DHCR24: variants seen among roughly 807,000 people sequenced by gnomAD.
DHCR24 encodes the protein delta(24)-sterol reductase.
DHCR24 carries 28 observed loss-of-function variants against 61.2 expected under a neutral mutation model. The ratio of observed to expected loss-of-function variants is 0.46; its 90% CI spans 0.34 to 0.63. The LOEUF (loss-of-function observed/expected upper bound fraction) is 0.63, where lower values mean the gene tolerates loss of function less well. Among genes scored for constraint, DHCR24 ranks in the 20% least tolerant of loss-of-function variants. The pLI, the probability that DHCR24 is intolerant of heterozygous loss-of-function variation, is 0.01. For synonymous variants in DHCR24, 261 were observed against 275.9 expected (o/e 0.95, Z 0.54); for missense variants, 538 against 679.1 (o/e 0.79, Z 2.31).
intron 2 of DHCR24, among the ~76,000 whole-genome samples, chr1:54,881,947 G>A (rs933713838): frequency 1.3e-5 from 2 of 152,022 alleles, no homozygotes; most frequent in Non-Finnish European, 2.9e-5. Context: ...CACATACAGG[G>A]GAACAACAGA....
intron 6 of DHCR24, among the ~76,000 whole-genome samples, chr1:54,863,646 A>C (rs1263754396): frequency 6.6e-6 from 1 of 152,252 alleles, no homozygotes; most frequent in Non-Finnish European, 1.5e-5. Flanking sequence ...TGGACTTGAC[A>C]ATAAATTCTT....
At chr1:54,865,676 A>G (rs1483829565) in intron 5 of DHCR24, among the ~76,000 whole-genome samples, 1 of 152,138 alleles carries the variant, frequency 6.6e-6, no homozygotes, top group African/African-American at 2.4e-5. Context: ...CCAGGGCCAA[A>G]CAGTGAGTCC....
chr1:54,879,322 G>GAAAAAAAAAAAAAAA (rs58945175), intron 2 of DHCR24, among the ~76,000 whole-genome samples: 3 of 108,536 alleles, frequency 2.8e-5, no homozygotes, highest in Non-Finnish European at 5.3e-5. Flanking sequence ...GACTCCATCT[G>GAAAAAAAAAAAAAAA]AAAAAAAAAA....
chr1:54,867,931 A>G (rs532603244), intron 5 of DHCR24, among the ~76,000 whole-genome samples: 3 of 152,340 alleles, frequency 2.0e-5, no homozygotes, highest in Non-Finnish European at 4.4e-5. Context: ...CTGCAGGCTG[A>G]TATGTCAGGG....
Position 54,853,595 on chromosome 1 carries a change from C to T in DHCR24, c.1236G>A (p.Leu412=). 6.2e-7 allele frequency: 1 copy of T among 1,613,912 alleles called. No individual in the cohort carries two copies. The highest frequency in any genetic ancestry group is 8.5e-7 in the Non-Finnish European group (1 of 1,179,944). ...QNDIHVYPIW[L]CPFILPSQPG... ...GCTGGCTGGGCAGGATGAACGGACA[C>T]AGCCAGATGGGGTAGACCTGGGTAG... The change falls in exon 8 of 9, where the codon CTG becomes CTA. Residue 412 remains leucine (L), a synonymous_variant. Transcript: ENST00000371269.
chr1:54,871,415 G>T lies in DHCR24; in HGVS notation c.811C>A (p.Leu271Ile), dbSNP rs886042137. The change falls in exon 5 of 9, where the codon CTC (leucine) becomes ATC (isoleucine). Residue 271 changes from leucine (L) to isoleucine (I), a missense_variant. By Grantham distance (5) the Leu-to-Ile change is conservative (BLOSUM62 2). Transcript: ENST00000371269. ...ATGACAGCCTCATCCAGGGAGTAGA[G>T]CAGCCCTTCCACGAAGTGGTTCTCC... The part of the protein sequence containing the change: ...RQENHFVEGL[L>I]YSLDEAVIMT... 5.0e-6 allele frequency: 8 copies of T among 1,614,192 alleles called. No homozygotes were observed. Among genetic ancestry groups the T allele is most frequent in the Middle Eastern group, 1.6e-4 (1 of 6,062 alleles).
intron 4 of DHCR24, 105 bp from the exon 5 acceptor site, chr1:54,871,718 C>G: frequency 2.0e-6 from 3 of 1,487,762 alleles, no homozygotes; most frequent in Non-Finnish European, 2.8e-6. Context: ...TTCTCTCACT[C>G]TCTTGTATAA....
In DHCR24 at chr1:54,851,390, A is replaced by T. The variant is rs764347154; in HGVS notation, c.*843T>A. 6.6e-6 allele frequency: 1 copy of T among 152,632 alleles called. No individual in the cohort carries two copies. The highest frequency in any genetic ancestry group is 1.5e-5 in the Non-Finnish European group (1 of 68,188). 9.5% of individuals were successfully genotyped at this position (152,632 alleles called of 1,614,324 possible). A position where few individuals can be genotyped will look rare whatever the true frequency, so the allele number is the denominator to read the frequency against. On this transcript the variant is annotated 3_prime_UTR_variant, in exon 9 of 9. Transcript: ENST00000371269. ...GGCCTGCAGGGTTGGTGAGCCAAGA[A>T]GAATGAGCCCAGGTCCCCTGGATCC...
intron 7 of DHCR24, 106 bp downstream of exon 7, chr1:54,853,931 C>T: frequency 1.7e-6 from 2 of 1,186,064 alleles, no homozygotes; most frequent in Non-Finnish European, 1.2e-6. Context: ...GTTGGGAAAA[C>T]ACCCAGAGGG....
intron 6 of DHCR24, among the ~76,000 whole-genome samples, chr1:54,855,833 GCCCA>G (rs1227727756): frequency 5.3e-5 from 8 of 152,084 alleles, no homozygotes; most frequent in Admixed American, 3.3e-4. Flanking sequence ...ACCTACACAT[GCCCA>G]CAGCAGAAAT....
chr1:54,878,151 G>C (rs1246437826), intron 2 of DHCR24, among the ~76,000 whole-genome samples: 3 of 151,632 alleles, frequency 2.0e-5, no homozygotes, highest in Non-Finnish European at 4.4e-5. Flanking sequence ...AGTACTAATC[G>C]GTAAATACAC....
chr1:54,871,618 G>A lies in DHCR24; in HGVS notation c.613-5C>T. On this transcript the variant is annotated splice_region_variant and splice_polypyrimidine_tract_variant and intron_variant, in intron 4 of 8. Coordinates refer to ENST00000371269, the MANE Select transcript of DHCR24 (RefSeq NM_014762.4). The stretch of plus-strand genomic sequence containing the variant: ...GAACAGGTCTGAGTTTTCGGACTGT[G>A]AGACAGAATTGATGTGTTGTGAGCT... 1.9e-6 allele frequency: 3 copies of A among 1,614,178 alleles called. No homozygotes were observed. The highest frequency in any genetic ancestry group is 8.5e-7 in the Non-Finnish European group (1 of 1,180,026).
intron 5 of DHCR24, among the ~76,000 whole-genome samples, chr1:54,866,855 T>C (rs936785030): frequency 6.6e-6 from 1 of 152,162 alleles, no homozygotes; most frequent in African/African-American, 2.4e-5. Flanking sequence ...GTGGATGGTA[T>C]GGGGCAGCGC....
chr1:54,852,549 C>T (rs1646881841), intron 8 of DHCR24, among the ~76,000 whole-genome samples, 163 bp from the exon 9 acceptor site: 1 of 152,128 alleles, frequency 6.6e-6, no homozygotes, highest in Non-Finnish European at 1.5e-5. Flanking sequence ...TATTCTTATC[C>T]CCCTTTTGCA....
chr1:54,878,096 G>GA (rs1647044224), intron 2 of DHCR24, among the ~76,000 whole-genome samples: 1 of 151,882 alleles, frequency 6.6e-6, no homozygotes, highest in South Asian at 2.1e-4. Context: ...GTTGCACAGA[G>GA]AAAAAACTGA....
Position 54,872,952 on chromosome 1 carries a change from G to A in DHCR24, c.613-1339C>T, listed in dbSNP as rs888192024. On this transcript the variant is annotated intron_variant, in intron 4 of 8. Transcript: ENST00000371269. Reference sequence around the variant, plus strand: ...GCTCCCTGAAATACCCACTTCAACAGGACCAACTGTCCCTCCCATCCCAGG... The same window carrying A: ...GCTCCCTGAAATACCCACTTCAACAAGACCAACTGTCCCTCCCATCCCAGG... 2.0e-5 allele frequency among the ~76,000 whole-genome samples: 3 copies of A among 152,122 alleles called. No individual in the cohort carries two copies. The East Asian group carries it at 5.8e-4, about 29-fold the overall frequency.
rs1647055191 is a variant in DHCR24 at position 54,879,757 on chromosome 1, AATCC to A, written c.388-3714_388-3711del. Among the ~76,000 whole-genome samples, 8 of 152,206 alleles carry A rather than the reference AATCC, an allele frequency of 5.3e-5. No individual in the cohort carries two copies. In the South Asian group the frequency reaches 1.7e-3, roughly 31 times the overall value. The stretch of plus-strand genomic sequence containing the variant: ...ATAAAAAATCAACATACTTCTAAAT[AATCC>A]ATGGGTCAAAGCAGACATCAAAAGG... On this transcript the variant is annotated intron_variant, in intron 2 of 8. Transcript: ENST00000371269.
In DHCR24 at chr1:54,881,345, C is replaced by T. The variant is rs1451946611; in HGVS notation, c.387+2273G>A. On this transcript the variant is annotated intron_variant, in intron 2 of 8. Coordinates refer to ENST00000371269, the MANE Select transcript of DHCR24 (RefSeq NM_014762.4). The stretch of plus-strand genomic sequence containing the variant: ...TGAATATAAAAAGGACATGAACAGA[C>T]ACTTTTCAAAAGACAAGCATGTGGC... Among the ~76,000 whole-genome samples the T allele has an allele frequency of 5.9e-5, 9 of 152,232 alleles. No individual in the cohort carries two copies. The East Asian group carries it at 1.4e-3, about 23-fold the overall frequency.
At chr1:54,876,181 C>T (rs947657691) in intron 2 of DHCR24, 134 bp from the exon 3 acceptor site, 6 of 724,996 alleles carry the variant, frequency 8.3e-6, no homozygotes, top group African/African-American at 7.0e-5. Context: ...CCTTTACAGG[C>T]TCTTTCTAGA....
Sources: allele counts gnomAD v4.1 joint callset (sites outside exome capture counted in the v4.1 genomes callset), GRCh38; gene constraint gnomAD v4.1.1; transcripts MANE v1.5; gene names NCBI Gene and HGNC (gene_info 2026-07-23, HGNC 2026-07-21).